The following PPP6R2 variants were observed in gnomAD, a reference collection of about 807,000 sequenced individuals.
PPP6R2 encodes the protein serine/threonine-protein phosphatase 6 regulatory subunit 2.
Under a neutral mutation model 100.2 loss-of-function variants are expected in PPP6R2, and 62 were observed. The observed-to-expected ratio is 0.62, with a 90% CI of 0.50 to 0.76. PPP6R2 has a LOEUF of 0.76. Ranked by LOEUF, PPP6R2 falls within the 30% of genes least tolerant of loss-of-function variation. The probability of loss-of-function intolerance (pLI) is 0.00; values close to 1 mark genes in which losing one functional copy is unlikely to be tolerated. For missense variants in PPP6R2, 1,142 were observed against 1,276.3 expected, an observed-to-expected ratio of 0.89 and a Z score of 1.60; for synonymous variants, 525 against 514.7, an observed-to-expected ratio of 1.02 and a Z score of -0.27.
At chr22:50,337,393 AGT>A in the PPP6R2 span, among the ~76,000 whole-genome samples, 21 of 55,134 alleles carry the variant, frequency 3.8e-4, no homozygotes, top group East Asian at 6.3e-4. Context: ...GTGTGTGTGT[AGT>A]GTGTGTGTGC....
intron 1 of PPP6R2, among the ~76,000 whole-genome samples, chr22:50,353,221 C>G (rs1322677098): frequency 6.6e-6 from 1 of 152,206 alleles, no homozygotes; most frequent in African/African-American, 2.4e-5. Context: ...TTTGGCCTGT[C>G]GGCTTTTGAC....
chr22:50,436,567 C>T lies in PPP6R2; in HGVS notation c.1602+115C>T, dbSNP rs372228790. 4.4e-5 allele frequency: 45 copies of T among 1,013,332 alleles called. No homozygotes were observed. In the East Asian group the frequency reaches 8.9e-4, roughly 20 times the overall value. 62.8% of individuals were successfully genotyped at this position (1,013,332 alleles called of 1,614,324 possible). On this transcript the variant is annotated intron_variant, in intron 14 of 23. Coordinates refer to ENST00000612753, the MANE Select transcript of PPP6R2 (RefSeq NM_001242898.2). ...GGGAGGCACAAGGGCCGCACGCCTGCCTGCTCCTCTTGACTATGCGGTGCC... is the reference window on the plus strand; with the variant it reads ...GGGAGGCACAAGGGCCGCACGCCTGTCTGCTCCTCTTGACTATGCGGTGCC...
intron 2 of PPP6R2, among the ~76,000 whole-genome samples, chr22:50,385,537 C>T (rs1445640988): frequency 7.1e-6 from 1 of 140,694 alleles, no homozygotes; most frequent in East Asian, 2.1e-4. Flanking sequence ...TTTTTTGAGA[C>T]GAAGTCTTGC....
chr22:50,370,141 G>A (rs933912406), intron 1 of PPP6R2, among the ~76,000 whole-genome samples: 1 of 140,858 alleles, frequency 7.1e-6, no homozygotes, highest in Non-Finnish European at 1.5e-5. Flanking sequence ...GACAGTGATC[G>A]ACACTTTTTT....
In PPP6R2 at chr22:50,443,944, T is replaced by C. The variant is rs759938844; in HGVS notation, c.2658T>C (p.Ala886=). The change falls in exon 23 of 24, where the codon GCT becomes GCC. Residue 886 remains alanine, a synonymous_variant. Transcript: ENST00000612753. The part of the protein sequence containing the change: ...PKEVTAAPAV[A]VPPEATVAIT... The stretch of plus-strand genomic sequence containing the variant: ...AAGTGACTGCTGCCCCAGCCGTGGC[T>C]GTGCCCCCCGAGGCTACTGTGGCCA... 1.2e-6 allele frequency: 2 copies of C among 1,609,798 alleles called. No individual in the cohort carries two copies. The highest frequency in any genetic ancestry group is 2.7e-5 in the African/African-American group (2 of 74,856).
chr22:50,429,512 T>G (rs1209444200), intron 10 of PPP6R2, among the ~76,000 whole-genome samples: 1 of 152,246 alleles, frequency 6.6e-6, no homozygotes, highest in Admixed American at 6.5e-5. Flanking sequence ...AAGTTTGGTT[T>G]GCTAGTATTT....
chr22:50,373,969 A>G (rs1249069118), intron 2 of PPP6R2, among the ~76,000 whole-genome samples: 1 of 151,892 alleles, frequency 6.6e-6, no homozygotes, highest in Non-Finnish European at 1.5e-5. Context: ...CCTGACCTCA[A>G]GCAATCCACC....
chr22:50,444,647 A>G lies in PPP6R2; in HGVS notation c.*400A>G. 4.4e-6 allele frequency: 1 copy of G among 226,242 alleles called. No individual in the cohort carries two copies. Among genetic ancestry groups the G allele is most frequent in the Non-Finnish European group, 8.6e-6 (1 of 116,174 alleles). The allele number at this position is 226,242 out of a possible 1,614,324, so 14.0% of individuals were successfully genotyped here. A position where few individuals can be genotyped will look rare whatever the true frequency, so the allele number is the denominator to read the frequency against. On this transcript the variant is annotated 3_prime_UTR_variant, in exon 24 of 24. Transcript: ENST00000612753. ...TTTTTTTGTTGTTGTTTTGTTTTTA[A>G]AGAATACAGAAGGAGCCAAGCTTTT...
intron 2 of PPP6R2, among the ~76,000 whole-genome samples, chr22:50,374,524 A>G (rs2051001025): frequency 6.6e-6 from 1 of 152,340 alleles, no homozygotes; most frequent in Non-Finnish European, 1.5e-5. Context: ...GAGATGTATT[A>G]TTCGAAGTAT....
the PPP6R2 span, among the ~76,000 whole-genome samples, chr22:50,331,473 C>T: frequency 2.0e-5 from 3 of 152,026 alleles, no homozygotes; most frequent in Non-Finnish European, 2.9e-5. Flanking sequence ...TTGTTCCAGC[C>T]GTTCGAGGGG....
chr22:50,394,772 G>C (rs2056406775), intron 3 of PPP6R2, among the ~76,000 whole-genome samples: 1 of 151,856 alleles, frequency 6.6e-6, no homozygotes, highest in African/African-American at 2.4e-5. Flanking sequence ...CGGGCATGGT[G>C]GCGGGCGCCC....
chr22:50,378,355 G>C (rs1442945659), intron 2 of PPP6R2, among the ~76,000 whole-genome samples: 1 of 152,208 alleles, frequency 6.6e-6, no homozygotes, highest in Non-Finnish European at 1.5e-5. Context: ...GGGAGGCTGA[G>C]GCAGGTGGAT....
Position 50,422,257 on chromosome 22 carries a change from A to G in PPP6R2, c.849A>G (p.Thr283=). The G allele has an allele frequency of 6.2e-7, 1 of 1,613,954 alleles. No homozygotes were observed. Among genetic ancestry groups the G allele is most frequent in the Admixed American group, 1.7e-5 (1 of 60,004 alleles). ...LTLLETRRVG[T]EGLVDSFSQG... is the part of the protein sequence containing the mutation. ...CATCTGCTTTCCTCATCCACAGGAC[A>G]GAGGGCTTGGTGGACTCCTTTTCTC... The change falls in exon 9 of 24, where the codon ACA becomes ACG. Residue 283 remains threonine, a synonymous_variant. Transcript: ENST00000612753.
chr22:50,433,145 G>A (rs2063485460), intron 12 of PPP6R2, among the ~76,000 whole-genome samples: 1 of 152,282 alleles, frequency 6.6e-6, no homozygotes, highest in African/African-American at 2.4e-5. Flanking sequence ...TACTCAAACA[G>A]AAGTGTCCTG....
intron 4 of PPP6R2, among the ~76,000 whole-genome samples, chr22:50,411,477 G>C (rs967299698): frequency 8.6e-5 from 13 of 151,912 alleles, no homozygotes; most frequent in Non-Finnish European, 1.9e-4. Context: ...AAAAGGCCAG[G>C]CGTGCTGGCT....
intron 22 of PPP6R2, 124 bp downstream of exon 22, chr22:50,441,150 TC>T: frequency 4.6e-6 from 4 of 877,334 alleles, no homozygotes; most frequent in Non-Finnish European, 6.8e-6. Context: ...CCACACTGCC[TC>T]CCCCATGGCC....
Position 50,355,229 on chromosome 22 carries a change from C to CTTCT in PPP6R2, c.-148+11681_-148+11682insCTTT, listed in dbSNP as rs1555965995. 4.2e-3 allele frequency among the ~76,000 whole-genome samples: 557 copies of CTTCT among 131,138 alleles called. 7 individuals are homozygous for CTTCT. Among genetic ancestry groups the CTTCT allele is most frequent in the African/African-American group, 0.015 (526 of 36,010 alleles). 86.0% of individuals were successfully genotyped at this position (131,138 alleles called of 152,430 possible). Reference sequence around the variant, plus strand: ...ATATCCACATACAGCAAGCAGCCTTCTTTTTTTTTTTTTTTTTTTCTTTTT... The same window carrying CTTCT: ...ATATCCACATACAGCAAGCAGCCTTCTTCTTTTTTTTTTTTTTTTTTTTCTTTTT... On this transcript the variant is annotated intron_variant, in intron 1 of 23. Transcript: ENST00000612753.
intron 2 of PPP6R2, among the ~76,000 whole-genome samples, chr22:50,387,127 C>G (rs1270062593): frequency 6.6e-6 from 1 of 152,184 alleles, no homozygotes; most frequent in African/African-American, 2.4e-5. Context: ...GGGGTACGAT[C>G]ATAGCTCAGG....
At chr22:50,337,209 G>C in the PPP6R2 span, among the ~76,000 whole-genome samples, 1 of 48,348 alleles carries the variant, frequency 2.1e-5, no homozygotes, top group Non-Finnish European at 3.6e-5. Flanking sequence ...TGTGGGTATA[G>C]TGTGTGTGGG....
Sources: gnomAD v4.1 joint callset for allele counts (sites outside exome capture counted in the v4.1 genomes callset) on GRCh38, gnomAD v4.1.1 for gene constraint, MANE v1.5 for transcripts, NCBI Gene and HGNC (gene_info 2026-07-23, HGNC 2026-07-21) for gene names.